The following ZNF804A variants were observed in gnomAD, a reference collection of about 807,000 sequenced individuals.
ZNF804A encodes zinc finger protein 804A.
In ZNF804A, 2 loss-of-function variants were observed where a neutral mutation model predicts 16.5. The observed-to-expected ratio is 0.12, with a 90% CI of 0.05 to 0.38. The LOEUF (loss-of-function observed/expected upper bound fraction) is 0.38. ZNF804A is among the 10% of genes least tolerant of loss of function. The pLI, the probability that ZNF804A is intolerant of heterozygous loss-of-function variation, is 0.99. For synonymous variants in ZNF804A, 534 were observed against 489.6 expected (o/e 1.09, Z -1.20); for missense variants, 1,473 against 1,390.7 (o/e 1.06, Z -0.94).
chr2:184,629,507 G>T (rs535063505), intron 1 of ZNF804A, among the ~76,000 whole-genome samples: 9 of 152,074 alleles, frequency 5.9e-5, no homozygotes, highest in Non-Finnish European at 1.3e-4. Flanking sequence ...TGACCAAAAT[G>T]AATGAATTCA....
intron 1 of ZNF804A, among the ~76,000 whole-genome samples, chr2:184,737,908 G>A (rs1212006575): frequency 6.6e-6 from 1 of 152,140 alleles, no homozygotes; most frequent in Non-Finnish European, 1.5e-5. Flanking sequence ...CTGATCACCT[G>A]AGGTCGGGAG....
intron 1 of ZNF804A, among the ~76,000 whole-genome samples, chr2:184,767,215 T>C (rs1279478054): frequency 6.6e-6 from 1 of 152,184 alleles, no homozygotes; most frequent in Non-Finnish European, 1.5e-5. Flanking sequence ...CACTGGTGGA[T>C]GAGCAGATAG....
chr2:184,833,143 C>T (rs1019042939), intron 1 of ZNF804A, among the ~76,000 whole-genome samples: 2 of 152,048 alleles, frequency 1.3e-5, no homozygotes, highest in African/African-American at 4.8e-5. Context: ...TACTCTCACA[C>T]TTATCTCAGC....
At chr2:184,798,004 ATATGTGTG>A (rs1328641431) in intron 1 of ZNF804A, among the ~76,000 whole-genome samples, 3 of 123,342 alleles carry the variant, frequency 2.4e-5, no homozygotes, top group African/African-American at 9.7e-5. Context: ...CATGGCTGAT[ATATGTGTG>A]TGTGTGTGTG....
At chr2:184,929,767 G>A (rs572236857) in intron 2 of ZNF804A, among the ~76,000 whole-genome samples, 5 of 152,026 alleles carry the variant, frequency 3.3e-5, no homozygotes, top group Admixed American at 1.3e-4. Flanking sequence ...AGATTCTTGT[G>A]TTTGTACGAA....
At chr2:184,724,272 G>A (rs1431343906) in intron 1 of ZNF804A, among the ~76,000 whole-genome samples, 1 of 151,674 alleles carries the variant, frequency 6.6e-6, no homozygotes, top group Non-Finnish European at 1.5e-5. Flanking sequence ...CTTTATGTAA[G>A]TAAATGAAGT....
At chr2:184,705,609 A>G (rs762921207) in intron 1 of ZNF804A, among the ~76,000 whole-genome samples, 1 of 151,586 alleles carries the variant, frequency 6.6e-6, no homozygotes, top group Non-Finnish European at 1.5e-5. Flanking sequence ...CATGGTACCT[A>G]TTTTTTTTCT....
At chr2:184,819,290 G>A (rs1695034870) in intron 1 of ZNF804A, among the ~76,000 whole-genome samples, 1 of 151,980 alleles carries the variant, frequency 6.6e-6, no homozygotes, top group Non-Finnish European at 1.5e-5. Flanking sequence ...CAACTACATG[G>A]ACCCTGAACA....
intron 1 of ZNF804A, among the ~76,000 whole-genome samples, chr2:184,717,383 G>GT (rs1693231544): frequency 6.6e-6 from 1 of 151,986 alleles, no homozygotes. Context: ...CAGTAACTCT[G>GT]TCCTGCTGTT....
intron 1 of ZNF804A, among the ~76,000 whole-genome samples, chr2:184,657,337 T>C (rs1692094975): frequency 6.6e-6 from 1 of 152,180 alleles, no homozygotes; most frequent in East Asian, 1.9e-4. Context: ...TCCATTCTGT[T>C]TGGCCACCAA....
chr2:184,836,880 T>C (rs555131009), intron 1 of ZNF804A, among the ~76,000 whole-genome samples: 1 of 152,038 alleles, frequency 6.6e-6, no homozygotes, highest in Admixed American at 6.6e-5. Context: ...TTCTTATCTC[T>C]TACATACCCT....
chr2:184,605,880 A>G (rs115981459), intron 1 of ZNF804A, among the ~76,000 whole-genome samples: 4 of 152,298 alleles, frequency 2.6e-5, no homozygotes, highest in African/African-American at 9.6e-5. Context: ...CTATTACAGT[A>G]TAAGATTAAG....
chr2:184,789,284 T>C (rs527835969), intron 1 of ZNF804A, among the ~76,000 whole-genome samples: 18 of 152,182 alleles, frequency 1.2e-4, no homozygotes, highest in African/African-American at 4.3e-4. Flanking sequence ...TGATATTGGT[T>C]TGTAGTTTTC....
chr2:184,626,603 A>G (rs903048180), intron 1 of ZNF804A, among the ~76,000 whole-genome samples: 5 of 152,152 alleles, frequency 3.3e-5, no homozygotes, highest in African/African-American at 7.2e-5. Context: ...TATTCATGCT[A>G]TCCTCTTGGT....
intron 1 of ZNF804A, among the ~76,000 whole-genome samples, chr2:184,780,293 AG>A (rs1296527420): frequency 4.6e-5 from 7 of 151,830 alleles, no homozygotes; most frequent in Non-Finnish European, 7.4e-5. Flanking sequence ...GTTACGGAGA[AG>A]GGTGAGGCTA....
intron 1 of ZNF804A, among the ~76,000 whole-genome samples, chr2:184,611,679 T>A (rs1691241767): frequency 7.1e-6 from 1 of 141,202 alleles, no homozygotes; most frequent in South Asian, 2.3e-4. Context: ...CGACATAACA[T>A]TTCCTCTTCT....
chr2:184,733,828 T>G (rs1011498545), intron 1 of ZNF804A, among the ~76,000 whole-genome samples: 1 of 152,158 alleles, frequency 6.6e-6, no homozygotes, highest in African/African-American at 2.4e-5. Flanking sequence ...ATCCCTTTAT[T>G]ACTCTTTTAG....
chr2:184,832,633 TA>T (rs1195535561), intron 1 of ZNF804A, among the ~76,000 whole-genome samples: 16 of 152,000 alleles, frequency 1.1e-4, no homozygotes, highest in South Asian at 4.1e-4. Flanking sequence ...GATCTTCTCT[TA>T]TTTTTTTTAT....
intron 1 of ZNF804A, among the ~76,000 whole-genome samples, chr2:184,652,926 G>A (rs1430567264): frequency 6.6e-6 from 1 of 152,016 alleles, no homozygotes; most frequent in Admixed American, 6.6e-5. Context: ...CCTATGAAAA[G>A]GTGTCTTCTA....
Sources: gnomAD v4.1 joint callset for allele counts (sites outside exome capture counted in the v4.1 genomes callset) on GRCh38, gnomAD v4.1.1 for gene constraint, MANE v1.5 for transcripts, NCBI Gene and HGNC (gene_info 2026-07-23, HGNC 2026-07-21) for gene names.